Variants in GRM1 observed in about 807,000 individuals in gnomAD.
The protein encoded by GRM1 is metabotropic glutamate receptor 1.
GRM1 carries 33 observed loss-of-function variants against 90.9 expected under a neutral mutation model. The observed-to-expected ratio is 0.36, with a 90% CI of 0.28 to 0.49. The LOEUF is 0.49. GRM1 is among the 20% of genes least tolerant of loss of function. The pLI is 0.99. For synonymous variants in GRM1, 700 were observed against 613.2 expected, an observed-to-expected ratio of 1.14 and a Z score of -2.09; for missense variants, 1,190 against 1,534.3, an observed-to-expected ratio of 0.78 and a Z score of 3.75.
At chr6:146,101,032 G>A (rs749775817) in intron 1 of GRM1, among the ~76,000 whole-genome samples, 21 of 152,126 alleles carry the variant, frequency 1.4e-4, no homozygotes, top group Non-Finnish European at 2.5e-4. Context: ...GTTCCAGGCT[G>A]TAGAGAGCTA....
chr6:146,345,691 G>A lies in GRM1; in HGVS notation c.1187-6559G>A, dbSNP rs948729252. 2.6e-5 allele frequency among the ~76,000 whole-genome samples: 4 copies of A among 151,986 alleles called. No homozygotes were observed. In the East Asian group the frequency reaches 7.7e-4, roughly 29 times the overall value. ...CCTTCCTATCACCCATAAATAAATA[G>A]AGGTGGTGCTATGAGCATAGATCTG... On this transcript the variant is annotated intron_variant, in intron 3 of 7. Coordinates refer to ENST00000282753, the MANE Select transcript of GRM1 (RefSeq NM_001278064.2).
At chr6:146,138,896 T>G (rs1562487157) in intron 1 of GRM1, among the ~76,000 whole-genome samples, 1 of 152,122 alleles carries the variant, frequency 6.6e-6, no homozygotes, top group Non-Finnish European at 1.5e-5. Context: ...TGTTTTCTAG[T>G]TCTTTAAGAT....
chr6:146,367,766 G>A (rs1775746805), intron 5 of GRM1, among the ~76,000 whole-genome samples: 1 of 152,114 alleles, frequency 6.6e-6, no homozygotes, highest in Non-Finnish European at 1.5e-5. Flanking sequence ...TTATGGCTGT[G>A]TAGTATTTTA....
chr6:146,106,336 G>A (rs1775297171), intron 1 of GRM1, among the ~76,000 whole-genome samples: 1 of 152,100 alleles, frequency 6.6e-6, no homozygotes, highest in Non-Finnish European at 1.5e-5. Context: ...CTTCATTACA[G>A]ACCCTTAAGA....
intron 2 of GRM1, among the ~76,000 whole-genome samples, chr6:146,269,606 T>G (rs1782038721): frequency 6.6e-6 from 1 of 152,138 alleles, no homozygotes; most frequent in Non-Finnish European, 1.5e-5. Flanking sequence ...TGAGTGGCAG[T>G]GGTGAGCAAG....
intron 2 of GRM1, among the ~76,000 whole-genome samples, chr6:146,277,147 A>C (rs1782403708): frequency 6.6e-6 from 1 of 152,106 alleles, no homozygotes; most frequent in African/African-American, 2.4e-5. Flanking sequence ...AAATACAATA[A>C]AGTTTCCCAG....
chr6:146,094,368 GTCA>G (rs1776809738), intron 1 of GRM1, among the ~76,000 whole-genome samples: 1 of 151,970 alleles, frequency 6.6e-6, no homozygotes, highest in African/African-American at 2.4e-5. Context: ...GCTTTTCCTG[GTCA>G]TTACTACATT....
chr6:146,402,982 C>T (rs1320270992), intron 7 of GRM1, among the ~76,000 whole-genome samples: 1 of 151,966 alleles, frequency 6.6e-6, no homozygotes, highest in African/African-American at 2.4e-5. Flanking sequence ...GGGAGATCAG[C>T]TGAAGTTACC....
At chr6:146,254,200 ACTGGT>A (rs1249698966) in intron 2 of GRM1, among the ~76,000 whole-genome samples, 2 of 152,166 alleles carry the variant, frequency 1.3e-5, no homozygotes, top group African/African-American at 4.8e-5. Flanking sequence ...GCTGAAACAA[ACTGGT>A]CTGGATGCCA....
chr6:146,153,335 C>T (rs999417218), intron 1 of GRM1, among the ~76,000 whole-genome samples: 1 of 152,146 alleles, frequency 6.6e-6, no homozygotes, highest in East Asian at 1.9e-4. Context: ...GCATCTAACA[C>T]TGTTGTCAAT....
chr6:146,404,025 G>A, intron 7 of GRM1, among the ~76,000 whole-genome samples: 1 of 152,134 alleles, frequency 6.6e-6, no homozygotes, highest in Middle Eastern at 3.4e-3. Context: ...CTATACCCTA[G>A]TAGAACTTAT....
Position 146,435,007 on chromosome 6 carries a change from G to A in GRM1, c.*211G>A. ...AAAAAATGTTCCAGGCCAGGATTCG[G>A]ATTCTTGAATTACTCGAAGCCTTCT... On this transcript the variant is annotated 3_prime_UTR_variant, in exon 8 of 8. Transcript: ENST00000282753. 1 of 620,466 alleles carries A rather than the reference G, an allele frequency of 1.6e-6. No homozygotes were observed. 38.4% of individuals were successfully genotyped at this position (620,466 alleles called of 1,614,324 possible).
chr6:146,389,575 A>T (rs1056362518), intron 6 of GRM1, among the ~76,000 whole-genome samples: 5 of 152,214 alleles, frequency 3.3e-5, no homozygotes, highest in Non-Finnish European at 5.9e-5. Context: ...AAATATTTTT[A>T]AAATTCTCCT....
intron 2 of GRM1, among the ~76,000 whole-genome samples, chr6:146,273,000 G>T (rs868806845): frequency 6.6e-6 from 1 of 152,130 alleles, no homozygotes. Flanking sequence ...TGATTTGGGG[G>T]CAAAAGACAG....
At chr6:146,132,110 T>C (rs1776421164) in intron 1 of GRM1, among the ~76,000 whole-genome samples, 1 of 152,208 alleles carries the variant, frequency 6.6e-6, no homozygotes, top group African/African-American at 2.4e-5. Context: ...AAAACAGGGA[T>C]ACTGGAAGTC....
intron 2 of GRM1, among the ~76,000 whole-genome samples, chr6:146,239,466 G>A (rs1459069632): frequency 2.0e-5 from 3 of 151,968 alleles, no homozygotes; most frequent in African/African-American, 4.8e-5. Flanking sequence ...AGTTCCTTGC[G>A]GGCAAGTATT....
In GRM1 at chr6:146,436,074, T is replaced by C. The variant is rs3804294; in HGVS notation, c.*1278T>C. 97,460 of 152,028 alleles carry C rather than the reference T, an allele frequency of 0.64. 33,122 individuals are homozygous for C. The highest frequency in any genetic ancestry group is 0.89 in the African/African-American group (36,673 of 41,372). The allele number at this position is 152,028 out of a possible 1,614,324, so 9.4% of individuals were successfully genotyped here. A position where few individuals can be genotyped will look rare whatever the true frequency, so the allele number is the denominator to read the frequency against. ...TTGTGCAATGTAATGTCAAATTGAC[T>C]GGTCAATGTCAACCTAGTAGTCAAT... On this transcript the variant is annotated 3_prime_UTR_variant, in exon 8 of 8. Coordinates refer to ENST00000282753, the MANE Select transcript of GRM1 (RefSeq NM_001278064.2).
chr6:146,412,511 A>C (rs767514557), intron 7 of GRM1, among the ~76,000 whole-genome samples: 1 of 152,202 alleles, frequency 6.6e-6, no homozygotes, highest in Non-Finnish European at 1.5e-5. Context: ...ACTACCCATG[A>C]ACATACTACA....
intron 3 of GRM1, among the ~76,000 whole-genome samples, chr6:146,331,041 C>T (rs1343066429): frequency 1.3e-5 from 2 of 152,132 alleles, no homozygotes; most frequent in African/African-American, 4.8e-5. Flanking sequence ...ATACTATACA[C>T]GATGTGCTAA....
Sources: allele counts gnomAD v4.1 joint callset (sites outside exome capture counted in the v4.1 genomes callset), GRCh38; gene constraint gnomAD v4.1.1; transcripts MANE v1.5; gene names NCBI Gene and HGNC (gene_info 2026-07-23, HGNC 2026-07-21).